Variants in HTR1D observed in about 807,000 individuals in gnomAD.
HTR1D encodes 5-hydroxytryptamine receptor 1D, also known as 5-HT-1D.
Under a neutral mutation model 21.1 loss-of-function variants are expected in HTR1D, and 18 were observed. That is an observed-to-expected ratio of 0.85 (90% CI 0.59 to 1.27). The LOEUF (loss-of-function observed/expected upper bound fraction) is 1.27. Ranked by LOEUF, HTR1D falls within the 50% of genes most tolerant of loss-of-function variation. HTR1D has a pLI of 0.00. For synonymous variants in HTR1D, 196 were observed against 204.4 expected (o/e 0.96, Z 0.35); for missense variants, 456 against 481.4 (o/e 0.95, Z 0.49).
chr1:23,193,980 C>T lies in HTR1D; in HGVS notation c.240G>A (p.Leu80=). 1 of 1,614,064 alleles carries T rather than the reference C, an allele frequency of 6.2e-7. No homozygotes were observed. Among genetic ancestry groups the T allele is most frequent in the South Asian group, 1.1e-5 (1 of 91,072 alleles). ...HTPANYLIGS[L]ATTDLLVSIL... ...TGGAAACCAAGAGGTCGGTGGTGGC[C>T]AGGGAGCCAATCAGGTAGTTGGCAG... is the stretch of plus-strand genomic sequence containing the variant. The change falls in exon 2 of 2, where the codon CTG becomes CTA. Residue 80 remains leucine (L), a synonymous_variant. Coordinates refer to ENST00000374619, the MANE Select transcript of HTR1D (RefSeq NM_000864.5).
intron 1 of HTR1D, among the ~76,000 whole-genome samples, chr1:23,201,449 A>G (rs1014239099): frequency 3.9e-5 from 6 of 152,208 alleles, no homozygotes; most frequent in Non-Finnish European, 8.8e-5. Context: ...CCTTCTATCC[A>G]GGAAACCTCA....
intron 1 of HTR1D, among the ~76,000 whole-genome samples, chr1:23,198,734 T>G (rs1644699158): frequency 6.6e-6 from 1 of 151,648 alleles, no homozygotes; most frequent in African/African-American, 2.4e-5. Context: ...CAAGGCAGAG[T>G]GCCAAAGTCA....
chr1:23,195,729 G>A (rs1449795736), intron 1 of HTR1D, among the ~76,000 whole-genome samples: 1 of 152,114 alleles, frequency 6.6e-6, no homozygotes, highest in Non-Finnish European at 1.5e-5. Context: ...AACTACTGTG[G>A]CTGGCCCCTT....
intron 1 of HTR1D, among the ~76,000 whole-genome samples, chr1:23,214,075 A>T (rs1018415011): frequency 3.3e-5 from 5 of 152,146 alleles, no homozygotes; most frequent in African/African-American, 1.2e-4. Flanking sequence ...ATAGGAAATA[A>T]CTTCTCTTGT....
chr1:23,203,344 C>T (rs180965915), intron 1 of HTR1D, among the ~76,000 whole-genome samples: 13 of 152,224 alleles, frequency 8.5e-5, no homozygotes, highest in African/African-American at 3.1e-4. Context: ...CAGTCTTGCA[C>T]CTCAGTTTCT....
In HTR1D at chr1:23,193,301, G is replaced by T; in HGVS notation, c.919C>A (p.Leu307Met). 1 of 1,614,204 alleles carries T rather than the reference G, an allele frequency of 6.2e-7. No individual in the cohort carries two copies. The highest frequency in any genetic ancestry group is 8.5e-7 in the Non-Finnish European group (1 of 1,180,026). Residue 307 changes from leucine to methionine, a missense_variant, in exon 2 of 2, where the codon CTG becomes ATG. Transcript: ENST00000374619. The stretch of plus-strand genomic sequence containing the variant: ...AGCCAGCAGATGATAAAGGCCCCCA[G>T]AATGATGCCCAGGATTTTAGTGGCT... ...RKATKILGII[L>M]GAFIICWLPF... is the part of the protein sequence containing the mutation.
At chr1:23,210,436 G>A (rs904480132) in intron 1 of HTR1D, among the ~76,000 whole-genome samples, 1 of 152,144 alleles carries the variant, frequency 6.6e-6, no homozygotes, top group African/African-American at 2.4e-5. Context: ...TTGTGTGAGG[G>A]GTAGCAGTAG....
chr1:23,192,036 G>C lies in HTR1D; in HGVS notation c.*1050C>G, dbSNP rs978935451. On this transcript the variant is annotated 3_prime_UTR_variant, in exon 2 of 2. Coordinates refer to ENST00000374619, the MANE Select transcript of HTR1D (RefSeq NM_000864.5). The stretch of plus-strand genomic sequence containing the variant: ...GTCCCACTCAAAGCTTGCGGTGGGT[G>C]GGGGGTGGGCGTCTAAAGCCGGTCA... 4.7e-5 allele frequency: 7 copies of C among 148,418 alleles called. No individual in the cohort carries two copies. Among genetic ancestry groups the C allele is most frequent in the South Asian group, 2.3e-4 (1 of 4,392 alleles). 9.2% of individuals were successfully genotyped at this position (148,418 alleles called of 1,614,324 possible).
At chr1:23,198,261 G>A (rs867198562) in intron 1 of HTR1D, among the ~76,000 whole-genome samples, 50 of 151,504 alleles carry the variant, frequency 3.3e-4, no homozygotes, top group African/African-American at 1.2e-3. Context: ...AGCTACTCGG[G>A]AGGCTGAGGC....
At chr1:23,212,921 G>T (rs1238132750) in intron 1 of HTR1D, among the ~76,000 whole-genome samples, 1 of 151,722 alleles carries the variant, frequency 6.6e-6, no homozygotes, top group Non-Finnish European at 1.5e-5. Flanking sequence ...CTGCCTCCCG[G>T]GTTCAAGCGA....
chr1:23,192,780 T>C lies in HTR1D; in HGVS notation c.*306A>G, dbSNP rs891453606. 1 of 194,558 alleles carries C rather than the reference T, an allele frequency of 5.1e-6. No homozygotes were observed. The highest frequency in any genetic ancestry group is 1.0e-5 in the Non-Finnish European group (1 of 99,920). The allele number at this position is 194,558 out of a possible 1,614,324, so 12.1% of individuals were successfully genotyped here. On this transcript the variant is annotated 3_prime_UTR_variant, in exon 2 of 2. Coordinates refer to ENST00000374619, the MANE Select transcript of HTR1D (RefSeq NM_000864.5). ...TGAACCCGGGATGCGGAGGTTGCAG[T>C]GAGCTGAGATTGTGCCACTACACTC...
At position 23,194,283 on chromosome 1, in the gene HTR1D, G is replaced by T; in HGVS notation, c.-64C>A. On this transcript the variant is annotated 5_prime_UTR_variant, in exon 2 of 2. Coordinates refer to ENST00000374619, the MANE Select transcript of HTR1D (RefSeq NM_000864.5). ...TGGCTCCTTCCTTCAAGGTTGTCCT[G>T]ACAACAGAGCAAAGTCATCCTTCTG... The T allele has an allele frequency of 6.8e-7, 1 of 1,461,356 alleles. No individual in the cohort carries two copies. The highest frequency in any genetic ancestry group is 9.3e-7 in the Non-Finnish European group (1 of 1,069,630). 90.5% of individuals were successfully genotyped at this position (1,461,356 alleles called of 1,614,324 possible).
rs1569751806 is a variant in HTR1D at position 23,193,817 on chromosome 1, C to T, written c.403G>A (p.Asp135Asn). The change falls in exon 2 of 2, where the codon GAC (aspartate) becomes AAC (asparagine). Residue 135 changes from aspartate to asparagine, a missense_variant. By Grantham distance (23) the Asp-to-Asn change is conservative. Transcript: ENST00000374619. ...GCATCTGTGATTGCCCAGTACCTGT[C>T]CAGAGCAATGACACAGAGATGCAGG... The part of the protein sequence containing the change: ...SILHLCVIAL[D>N]RYWAITDALE... The T allele has an allele frequency of 6.2e-7, 1 of 1,614,168 alleles. No homozygotes were observed. Among genetic ancestry groups the T allele is most frequent in the Non-Finnish European group, 8.5e-7 (1 of 1,180,006 alleles).
At chr1:23,198,514 G>A (rs1342005367) in intron 1 of HTR1D, among the ~76,000 whole-genome samples, 1 of 152,150 alleles carries the variant, frequency 6.6e-6, no homozygotes, top group Non-Finnish European at 1.5e-5. Context: ...TCCGCTGCTG[G>A]GTATGCATGG....
At position 23,217,300 on chromosome 1, in the gene HTR1D, G is replaced by A. The variant is rs1367386273; in HGVS notation, c.-792C>T. Among the ~76,000 whole-genome samples, 1 of 151,478 alleles carries A rather than the reference G, an allele frequency of 6.6e-6. No homozygotes were observed. Among genetic ancestry groups the A allele is most frequent in the East Asian group, 2.0e-4 (1 of 5,072 alleles). ...GGCCCCGAGAGCTTACCCGCTGCCC[G>A]GCGGGCAGGTGCGCACACCCGGCGT... On this transcript the variant is annotated 5_prime_UTR_variant, in exon 1 of 2. Transcript: ENST00000374619. This position sits in a 1 kb window ranked among gnomAD's most constrained non-coding sequence, Gnocchi z 4.6.
chr1:23,212,517 G>A (rs10917360), intron 1 of HTR1D, among the ~76,000 whole-genome samples: 46,989 of 152,012 alleles, frequency 0.31, 7,821 homozygotes, highest in South Asian at 0.48. Context: ...AGTGCCTCGC[G>A]TTTAGGATTT....
rs1471389265 is a variant in HTR1D at position 23,217,040 on chromosome 1, G to C, written c.-783+251C>G. Among the ~76,000 whole-genome samples, 1 of 152,024 alleles carries C rather than the reference G, an allele frequency of 6.6e-6. No homozygotes were observed. The highest frequency in any genetic ancestry group is 1.5e-5 in the Non-Finnish European group (1 of 67,950). ...CTGGGCACCCCCAACGCGCGCGTGG[G>C]ATCCCGCAGCCTCCCTGGGCGCTGC... On this transcript the variant is annotated intron_variant, in intron 1 of 1. Transcript: ENST00000374619. This position sits in a 1 kb window ranked among gnomAD's most constrained non-coding sequence, Gnocchi z 4.6.
rs1167038837 is a variant in HTR1D, at chr1:23,194,319, G to A, written c.-100C>T. On this transcript the variant is annotated 5_prime_UTR_variant, in exon 2 of 2. Transcript: ENST00000374619. Reference sequence around the variant, plus strand: ...AAAGTCATCCTTCTGCTTCACACTGGTGGGAGCCGTACACCAGAACAGACC... The same window carrying A: ...AAAGTCATCCTTCTGCTTCACACTGATGGGAGCCGTACACCAGAACAGACC... 1 of 1,082,528 alleles carries A rather than the reference G, an allele frequency of 9.2e-7. No individual in the cohort carries two copies. The highest frequency in any genetic ancestry group is 1.4e-6 in the Non-Finnish European group (1 of 735,218). 67.1% of individuals were successfully genotyped at this position (1,082,528 alleles called of 1,614,324 possible).
intron 1 of HTR1D, among the ~76,000 whole-genome samples, chr1:23,205,848 T>G (rs1162245419): frequency 6.6e-6 from 1 of 151,960 alleles, no homozygotes; most frequent in Non-Finnish European, 1.5e-5. Context: ...GGCCTCTCCA[T>G]TCATTGAATG....
Sources: gnomAD v4.1 joint callset for allele counts (sites outside exome capture counted in the v4.1 genomes callset) on GRCh38, gnomAD v4.1.1 for gene constraint, Gnocchi (gnomAD v3.1) non-coding constraint, MANE v1.5 for transcripts, NCBI Gene and HGNC (gene_info 2026-07-23, HGNC 2026-07-21) for gene names.